EYS: variants seen among roughly 807,000 people sequenced by gnomAD.
EYS encodes protein eyes shut homolog.
EYS carries 250 observed loss-of-function variants against 282.1 expected under a neutral mutation model. The observed-to-expected ratio is 0.89, with a 90% confidence interval of 0.80 to 0.98. The LOEUF (loss-of-function observed/expected upper bound fraction) is 0.98, where lower values mean the gene tolerates loss of function less well. Ranked by LOEUF, EYS falls within the 50% of genes least tolerant of loss-of-function variation. EYS has a pLI of 0.00. For synonymous variants in EYS, 1,355 were observed against 1,282.9 expected (o/e 1.06, Z -1.20); for missense variants, 4,016 against 3,709.0 (o/e 1.08, Z -2.15).
intron 12 of EYS, among the ~76,000 whole-genome samples, chr6:65,104,673 G>C (rs1441355309): frequency 6.6e-6 from 1 of 150,956 alleles, no homozygotes; most frequent in African/African-American, 2.4e-5. Context: ...TGCATATCAC[G>C]ACCTCATCTT....
chr6:65,438,013 C>G (rs958389662), intron 5 of EYS, among the ~76,000 whole-genome samples: 1 of 122,140 alleles, frequency 8.2e-6, no homozygotes, highest in Non-Finnish European at 1.6e-5. Context: ...CCCCTCCCCC[C>G]ACCCCACGAC....
At chr6:64,179,338 C>A (rs546027792) in intron 31 of EYS, among the ~76,000 whole-genome samples, 53 of 152,050 alleles carry the variant, frequency 3.5e-4, no homozygotes, top group African/African-American at 1.3e-3. Flanking sequence ...GCATGAGACT[C>A]AAGAAATTAA....
At chr6:64,033,068 G>A (rs1016838309) in intron 33 of EYS, among the ~76,000 whole-genome samples, 2 of 152,158 alleles carry the variant, frequency 1.3e-5, no homozygotes, top group Non-Finnish European at 2.9e-5. Context: ...TCACTCAGGA[G>A]GTTACAAGAA....
At chr6:65,189,594 C>T (rs1765594742) in intron 12 of EYS, among the ~76,000 whole-genome samples, 1 of 151,670 alleles carries the variant, frequency 6.6e-6, no homozygotes, top group African/African-American at 2.4e-5. Context: ...AGTGATTGGA[C>T]CTTTTCTTTT....
intron 26 of EYS, among the ~76,000 whole-genome samples, chr6:64,515,776 AAAT>A (rs1777541974): frequency 6.6e-6 from 1 of 151,672 alleles, no homozygotes; most frequent in African/African-American, 2.4e-5. Flanking sequence ...TGAAGGCATA[AAAT>A]AATCCTGTTG....
intron 7 of EYS, among the ~76,000 whole-genome samples, chr6:65,392,744 C>G (rs997094479): frequency 4.6e-5 from 7 of 151,544 alleles, no homozygotes; most frequent in African/African-American, 1.5e-4. Context: ...CTAGTTCAAC[C>G]ATTGTGGAAG....
At chr6:65,018,805 A>T (rs1368506452) in intron 13 of EYS, among the ~76,000 whole-genome samples, 4 of 151,956 alleles carry the variant, frequency 2.6e-5, no homozygotes, top group Non-Finnish European at 5.9e-5. Context: ...CTATATGCAT[A>T]CCCTGTGTGC....
At chr6:64,496,748 AC>A (rs1192365586) in intron 26 of EYS, among the ~76,000 whole-genome samples, 3 of 152,078 alleles carry the variant, frequency 2.0e-5, no homozygotes, top group Non-Finnish European at 4.4e-5. Context: ...CATGTCAAAC[AC>A]ATTCTTTAAA....
At chr6:64,970,720 G>A (rs1440627516) in intron 14 of EYS, among the ~76,000 whole-genome samples, 1 of 152,140 alleles carries the variant, frequency 6.6e-6, no homozygotes, top group East Asian at 1.9e-4. Context: ...GAACCCATAT[G>A]AAGTGCCACT....
At chr6:64,028,013 C>T (rs1291039583) in intron 33 of EYS, among the ~76,000 whole-genome samples, 5 of 152,388 alleles carry the variant, frequency 3.3e-5, no homozygotes, top group Admixed American at 3.3e-4. Context: ...CCAGGTATTT[C>T]TCCCACCTTC....
intron 40 of EYS, among the ~76,000 whole-genome samples, chr6:63,772,075 T>C (rs1263790990): frequency 6.6e-6 from 1 of 152,016 alleles, no homozygotes; most frequent in East Asian, 1.9e-4. Context: ...GAGATGACAA[T>C]TTTGGCACTA....
intron 26 of EYS, among the ~76,000 whole-genome samples, chr6:64,494,762 C>A (rs1052033696): frequency 2.0e-5 from 3 of 151,592 alleles, no homozygotes; most frequent in Non-Finnish European, 3.0e-5. Flanking sequence ...ATGTTATATT[C>A]TTTGGCTTCT....
intron 34 of EYS, among the ~76,000 whole-genome samples, chr6:63,995,840 A>G (rs2149799890): frequency 6.6e-6 from 1 of 152,010 alleles, no homozygotes; most frequent in South Asian, 2.1e-4. Flanking sequence ...GTCAAAGGGT[A>G]CAAAGTTCCA....
chr6:65,418,108 T>C (rs1241988156), intron 5 of EYS, among the ~76,000 whole-genome samples: 1 of 152,066 alleles, frequency 6.6e-6, no homozygotes, highest in Non-Finnish European at 1.5e-5. Context: ...TATGCATATG[T>C]TACATATCCT....
chr6:65,673,175 A>C (rs1179362577), intron 1 of EYS, among the ~76,000 whole-genome samples: 1 of 152,084 alleles, frequency 6.6e-6, no homozygotes, highest in Non-Finnish European at 1.5e-5. Flanking sequence ...ATTAATAAGA[A>C]AAATAAAACA....
chr6:64,230,971 T>C (rs779653158), intron 30 of EYS, 147 bp from the exon 31 acceptor site: 7 of 510,464 alleles, frequency 1.4e-5, no homozygotes, highest in Non-Finnish European at 2.1e-5. Flanking sequence ...AATTATCATG[T>C]TTGTTTCACA....
intron 26 of EYS, among the ~76,000 whole-genome samples, chr6:64,578,583 CTT>C (rs927609601): frequency 2.7e-5 from 4 of 149,382 alleles, no homozygotes; most frequent in Admixed American, 2.7e-4. Flanking sequence ...ATCACATTCT[CTT>C]TCTCTCTCTC....
intron 22 of EYS, among the ~76,000 whole-genome samples, chr6:64,763,433 G>A (rs1773225168): frequency 6.6e-6 from 1 of 152,034 alleles, no homozygotes; most frequent in African/African-American, 2.4e-5. Flanking sequence ...TTTAAATCAT[G>A]AGATCTCATG....
At chr6:63,721,855 T>G (rs569380487) in intron 42 of EYS, 58 bp from the exon 43 acceptor site, 13 of 1,471,642 alleles carry the variant, frequency 8.8e-6, no homozygotes, top group Non-Finnish European at 1.2e-5. Context: ...CATTGAAAAC[T>G]TTTGCTGTTT....
Sources: gnomAD v4.1 joint callset for allele counts (sites outside exome capture counted in the v4.1 genomes callset) on GRCh38, gnomAD v4.1.1 for gene constraint, MANE v1.5 for transcripts, NCBI Gene and HGNC (gene_info 2026-07-23, HGNC 2026-07-21) for gene names.